Variants in RALGAPB observed in about 807,000 individuals in gnomAD.
RALGAPB encodes the protein ral GTPase-activating protein subunit beta.
Under a neutral mutation model 161.1 loss-of-function variants are expected in RALGAPB, and 25 were observed. The ratio of observed to expected loss-of-function variants is 0.16; its 90% confidence interval spans 0.11 to 0.22. The LOEUF (loss-of-function observed/expected upper bound fraction) is 0.22. Among genes scored for constraint, RALGAPB ranks in the 10% least tolerant of loss-of-function variants. The pLI, the probability that RALGAPB is intolerant of heterozygous loss-of-function variation, is 1.00. For synonymous variants in RALGAPB, 629 were observed against 626.1 expected (o/e 1.00, Z -0.07); for missense variants, 1,391 against 1,815.2 (o/e 0.77, Z 4.25).
intron 13 of RALGAPB, among the ~76,000 whole-genome samples, chr20:38,526,475 G>C (rs2086474692): frequency 6.6e-6 from 1 of 151,546 alleles, no homozygotes; most frequent in Non-Finnish European, 1.5e-5. Context: ...CTGCACTTTC[G>C]TCCTAGTCCT....
Position 38,531,219 on chromosome 20 carries a change from C to T in RALGAPB, c.2103C>T (p.Cys701=). 1 of 1,606,578 alleles carries T rather than the reference C, an allele frequency of 6.2e-7. No homozygotes were observed. The highest frequency in any genetic ancestry group is 8.5e-7 in the Non-Finnish European group (1 of 1,173,464). Residue 701 remains cysteine, a synonymous_variant, in exon 14 of 30, where the codon TGC becomes TGT. Transcript: ENST00000262879. ...CAGCACTTTTGGAAGCCATTGGTTG[C>T]CAGATGGAGATGGTAAGAAGCATAC... ...QDSALLEAIG[C]QMEMGGGENN...
In RALGAPB at chr20:38,546,437, T is replaced by TTA. The variant is rs1026898409; in HGVS notation, c.2902+10_2902+11dup. The TTA allele has an allele frequency of 6.2e-7, 1 of 1,613,886 alleles. No individual in the cohort carries two copies. Among genetic ancestry groups the TTA allele is most frequent in the Admixed American group, 1.7e-5 (1 of 59,998 alleles). On this transcript the variant is annotated splice_region_variant and intron_variant, in intron 19 of 29. Transcript: ENST00000262879. ...CCTCTTGGAAATGAGCAGAGTAAGT[T>TTA]TATAGTACTTTGAGCCTTCTCTACT...
In RALGAPB at chr20:38,488,701, C is replaced by CT. The variant is rs1033570730; in HGVS notation, c.186+89dup. 2.9e-6 allele frequency: 4 copies of CT among 1,372,442 alleles called. No homozygotes were observed. The Admixed American group carries it at 8.8e-5, about 30-fold the overall frequency. 85.0% of individuals were successfully genotyped at this position (1,372,442 alleles called of 1,614,324 possible). On this transcript the variant is annotated intron_variant, in intron 2 of 29. Transcript: ENST00000262879. ...TTTGTTTAATGTTAACTTTTTTGTT[C>CT]TTTTTTCTTTGAAAAGAGCTGTAGT...
At position 38,551,130 on chromosome 20, in the gene RALGAPB, G is replaced by A. The variant is rs756721935; in HGVS notation, c.3069G>A (p.Val1023=). ...ATGACGTTGGATTTAAATATTCTGT[G>A]AAACATCGGCCATTTCCTGAAGAGG... ...PKNDVGFKYS[V]KHRPFPEEVD... Residue 1023 remains valine (V), a synonymous_variant, in exon 21 of 30, where the codon GTG becomes GTA. Coordinates refer to ENST00000262879, the MANE Select transcript of RALGAPB (RefSeq NM_020336.4). 7 of 1,613,810 alleles carry A rather than the reference G, an allele frequency of 4.3e-6. No homozygotes were observed. In the Admixed American group the frequency reaches 1.0e-4, roughly 23 times the overall value.
intron 12 of RALGAPB, 93 bp from the exon 13 acceptor site, chr20:38,525,802 C>G: frequency 7.6e-7 from 1 of 1,315,844 alleles, no homozygotes; most frequent in African/African-American, 1.5e-5. Context: ...AAGCCTTTCT[C>G]ATTATACTGA....
At chr20:38,517,395 C>T (rs1480500370) in intron 7 of RALGAPB, 111 bp from the exon 8 acceptor site, 3 of 1,104,032 alleles carry the variant, frequency 2.7e-6, no homozygotes, top group Middle Eastern at 2.3e-4. Context: ...CTAGCAATCT[C>T]TGCTATAGTC....
At chr20:38,532,610 T>C (rs2086688389) in intron 14 of RALGAPB, 120 bp from the exon 15 acceptor site, 1 of 1,181,072 alleles carries the variant, frequency 8.5e-7, no homozygotes, top group African/African-American at 1.5e-5. Flanking sequence ...TCTGTTACTA[T>C]CAGTTTGTAC....
Position 38,488,442 on chromosome 20 carries a change from G to C in RALGAPB, c.10G>C (p.Glu4Gln). The C allele has an allele frequency of 6.2e-7, 1 of 1,613,680 alleles. No homozygotes were observed. Among genetic ancestry groups the C allele is most frequent in the African/African-American group, 1.3e-5 (1 of 75,018 alleles). Reference protein sequence around the residue: MYSEWRSLHLVIQN... With the variant: MYSQWRSLHLVIQN... Reference sequence around the variant, plus strand: ...GTACTTTAGTGGCACGATGTACTCTGAGTGGAGGTCACTGCATTTGGTGAT... The same window carrying C: ...GTACTTTAGTGGCACGATGTACTCTCAGTGGAGGTCACTGCATTTGGTGAT... Residue 4 changes from glutamate (E) to glutamine (Q), a missense_variant, in exon 2 of 30, where the codon GAG becomes CAG. Around this residue, in one of 3 missense-constraint regions of RALGAPB, gnomAD observed 946 missense variants for 1,257.2 expected, o/e 0.75. Coordinates refer to ENST00000262879, the MANE Select transcript of RALGAPB (RefSeq NM_020336.4).
At chr20:38,564,408 A>G (rs373645932) in intron 24 of RALGAPB, among the ~76,000 whole-genome samples, 2 of 152,138 alleles carry the variant, frequency 1.3e-5, no homozygotes, top group East Asian at 1.9e-4. Flanking sequence ...TCTTGTCTAA[A>G]GCTTCCTATT....
intron 26 of RALGAPB, among the ~76,000 whole-genome samples, chr20:38,567,928 T>C (rs1441343600): frequency 6.6e-6 from 1 of 152,114 alleles, no homozygotes; most frequent in Non-Finnish European, 1.5e-5. Flanking sequence ...AAAATTGATT[T>C]AGGAAAAAAA....
chr20:38,563,448 A>G lies in RALGAPB; in HGVS notation c.3697+751A>G, dbSNP rs570333047. On this transcript the variant is annotated intron_variant, in intron 24 of 29. Transcript: ENST00000262879. ...ATATTATACCAAAACCTTTGTAGTA[A>G]ACAGCTGACCATCTCTGAGGATTCT... Among the ~76,000 whole-genome samples, 22 of 152,344 alleles carry G rather than the reference A, an allele frequency of 1.4e-4. No homozygotes were observed. In the East Asian group the frequency reaches 3.3e-3, roughly 23 times the overall value.
At chr20:38,565,526 C>T (rs1459938644) in intron 25 of RALGAPB, 48 bp downstream of exon 25, 1 of 1,589,980 alleles carries the variant, frequency 6.3e-7, no homozygotes, top group Non-Finnish European at 8.6e-7. Flanking sequence ...TTTTTATATT[C>T]CTGGGTTGTG....
intron 10 of RALGAPB, 59 bp downstream of exon 10, chr20:38,521,757 G>A (rs567086557): frequency 6.4e-7 from 1 of 1,566,522 alleles, no homozygotes; most frequent in Admixed American, 1.7e-5. Context: ...AGCCATTGTT[G>A]GTTGGCCGAC....
intron 1 of RALGAPB, among the ~76,000 whole-genome samples, chr20:38,477,637 T>C (rs1264309421): frequency 6.6e-6 from 1 of 152,200 alleles, no homozygotes; most frequent in Non-Finnish European, 1.5e-5. Context: ...AGTTTATTTA[T>C]TTGCTCAGTG....
chr20:38,542,643 C>T (rs1052854565), intron 18 of RALGAPB, among the ~76,000 whole-genome samples: 2 of 151,990 alleles, frequency 1.3e-5, no homozygotes, highest in African/African-American at 2.4e-5. Flanking sequence ...TTTGGGAGGC[C>T]GAGGCGGGTG....
intron 9 of RALGAPB, 55 bp from the exon 10 acceptor site, chr20:38,521,442 A>T: frequency 6.2e-7 from 1 of 1,605,078 alleles, no homozygotes; most frequent in Non-Finnish European, 8.5e-7. Context: ...CCAGGGTCCC[A>T]TGAGCCTACG....
chr20:38,551,020 A>C (rs1376967474), intron 20 of RALGAPB, 51 bp from the exon 21 acceptor site: 2 of 1,575,038 alleles, frequency 1.3e-6, no homozygotes, highest in Non-Finnish European at 8.7e-7. Context: ...ATGTCATTAC[A>C]GATGGGTATT....
chr20:38,480,506 C>A (rs1299626123), intron 1 of RALGAPB, among the ~76,000 whole-genome samples: 1 of 150,148 alleles, frequency 6.7e-6, no homozygotes, highest in Admixed American at 6.6e-5. Flanking sequence ...TCTGCTTCAG[C>A]CTCCTGAGTA....
chr20:38,533,707 G>A (rs1398448060), intron 15 of RALGAPB, among the ~76,000 whole-genome samples: 1 of 151,940 alleles, frequency 6.6e-6, no homozygotes, highest in Non-Finnish European at 1.5e-5. Context: ...GCCATTATGT[G>A]GATATTTGAC....
Sources: gnomAD v4.1 joint callset for allele counts (sites outside exome capture counted in the v4.1 genomes callset) on GRCh38, gnomAD v4.1.1 for gene constraint, gnomAD v4.1.1 regional missense constraint, MANE v1.5 for transcripts, NCBI Gene and HGNC (gene_info 2026-07-23, HGNC 2026-07-21) for gene names.